Variants in CEP290 observed in about 807,000 individuals in gnomAD.
CEP290 encodes centrosomal protein 290.
A neutral mutation model predicts 344.9 loss-of-function variants in CEP290; 317 were observed. That is an observed-to-expected ratio of 0.92 (90% CI 0.84 to 1.01). The LOEUF (loss-of-function observed/expected upper bound fraction) is 1.01. CEP290 is among the 50% of genes least tolerant of loss of function. CEP290 has a pLI of 0.00. For missense variants in CEP290, 2,754 were observed against 2,761.4 expected (o/e 1.00, Z 0.06); for synonymous variants, 932 against 895.8 (o/e 1.04, Z -0.72).
chr12:88,130,706 A>G, intron 7 of CEP290, 141 bp from the exon 8 acceptor site: 1 of 559,074 alleles, frequency 1.8e-6, no homozygotes, highest in South Asian at 3.5e-5. Flanking sequence ...AAAGAATACT[A>G]ATTATCTACC....
intron 51 of CEP290, 99 bp from the exon 52 acceptor site, chr12:88,053,845 C>G: frequency 1.7e-6 from 1 of 590,592 alleles, no homozygotes; most frequent in Non-Finnish European, 3.0e-6. Flanking sequence ...GTAATCAGAA[C>G]AAGCTAGCCT....
intron 25 of CEP290, among the ~76,000 whole-genome samples, chr12:88,105,216 T>C (rs2038188810): frequency 6.6e-6 from 1 of 152,182 alleles, no homozygotes; most frequent in African/African-American, 2.4e-5. Context: ...TTCAAAAGAC[T>C]AATGAATTTT....
At chr12:88,131,882 G>A (rs145992342) in intron 6 of CEP290, among the ~76,000 whole-genome samples, 8 of 152,148 alleles carry the variant, frequency 5.3e-5, no homozygotes, top group African/African-American at 1.9e-4. Context: ...ACTATTATTT[G>A]CTCTCAGTGA....
rs372592245 is a variant in CEP290, at chr12:88,083,850, A to G, written c.4809T>C (p.Ala1603=). The change falls in exon 36 of 54, where the codon GCT becomes GCC. Residue 1603 remains alanine, a synonymous_variant. Transcript: ENST00000552810. ...DSSLNKFKQT[A]WDLMKQSPTP... is the part of the protein sequence containing the mutation. The stretch of plus-strand genomic sequence containing the variant: ...AACAAAGTTCTTAGAATCTTACCCA[A>G]GCCGTTTGTTTGAATTTATTTAGTG... 3.8e-5 allele frequency: 59 copies of G among 1,560,292 alleles called. No homozygotes were observed. Among genetic ancestry groups the G allele is most frequent in the Non-Finnish European group, 4.8e-5 (55 of 1,145,512 alleles).
In CEP290 at chr12:88,062,737, C is replaced by T; in HGVS notation, c.6312G>A (p.Lys2104=). Residue 2104 remains lysine (K), a synonymous_variant, in exon 46 of 54, where the codon AAG becomes AAA. Coordinates refer to ENST00000552810, the MANE Select transcript of CEP290 (RefSeq NM_025114.4). ...TCCGCTGAACTTCTGCTTTTTCTTTCTTAAGAAATTCACACATTTCCTTCA... is the reference window on the plus strand; with the variant it reads ...TCCGCTGAACTTCTGCTTTTTCTTTTTTAAGAAATTCACACATTTCCTTCA... ...RDLKEMCEFL[K]KEKAEVQRKL... 1 of 1,599,042 alleles carries T rather than the reference C, an allele frequency of 6.3e-7. No homozygotes were observed. The highest frequency in any genetic ancestry group is 8.5e-7 in the Non-Finnish European group (1 of 1,171,830).
At chr12:88,138,785 C>T (rs536100091) in intron 5 of CEP290, among the ~76,000 whole-genome samples, 101 of 152,290 alleles carry the variant, frequency 6.6e-4, no homozygotes, top group African/African-American at 2.3e-3. Context: ...TGTTCTTCAA[C>T]AATACATTCA....
At chr12:88,112,041 C>T (rs374955005) in intron 20 of CEP290, among the ~76,000 whole-genome samples, 183 bp from the exon 21 acceptor site, 1 of 152,018 alleles carries the variant, frequency 6.6e-6, no homozygotes, top group African/African-American at 2.4e-5. Flanking sequence ...ATTTACATTA[C>T]CAAGCATAGT....
At chr12:88,139,770 C>G (rs1176527090) in intron 3 of CEP290, among the ~76,000 whole-genome samples, 1 of 152,194 alleles carries the variant, frequency 6.6e-6, no homozygotes, top group East Asian at 1.9e-4. Flanking sequence ...CTTTGTCACC[C>G]AGGCTGGAGT....
intron 4 of CEP290, 37 bp downstream of exon 4, chr12:88,139,458 A>G: frequency 6.7e-7 from 1 of 1,488,490 alleles, no homozygotes; most frequent in African/African-American, 1.4e-5. Context: ...GGAATTCATT[A>G]TTTAATACCA....
chr12:88,131,544 T>A (rs1414075116), intron 6 of CEP290, among the ~76,000 whole-genome samples: 8 of 152,126 alleles, frequency 5.3e-5, no homozygotes, highest in Non-Finnish European at 1.2e-4. Context: ...ATTTCAGACA[T>A]GAGCCACTGT....
At position 88,093,903 on chromosome 12, in the gene CEP290, A is replaced by AT. The variant is rs62640570; in HGVS notation, c.3175dup (p.Ile1059AsnfsTer11). On this transcript the variant is annotated frameshift_variant, in exon 28 of 54. Coordinates refer to ENST00000552810, the MANE Select transcript of CEP290 (RefSeq NM_025114.4). LOFTEE classifies it high-confidence loss of function. ...TAATTCCTTCATTTCCAGCATAGTTATTTTTTTTGAAATGGAAACAATGTC... is the reference window on the plus strand; with the variant it reads ...TAATTCCTTCATTTCCAGCATAGTTATTTTTTTTTGAAATGGAAACAATGTC... The AT allele has an allele frequency of 7.4e-5, 119 of 1,610,848 alleles. No homozygotes were observed. Among genetic ancestry groups the AT allele is most frequent in the Non-Finnish European group, 9.1e-5 (107 of 1,178,166 alleles).
At chr12:88,140,568 C>T (rs192068783) in intron 3 of CEP290, among the ~76,000 whole-genome samples, 1 of 152,212 alleles carries the variant, frequency 6.6e-6, no homozygotes, top group East Asian at 1.9e-4. Context: ...ACTATCTTAC[C>T]ACTGCATTGC....
chr12:88,052,406 T>C (rs2033628631), intron 52 of CEP290, among the ~76,000 whole-genome samples: 1 of 152,232 alleles, frequency 6.6e-6, no homozygotes. Flanking sequence ...ATGGATGAGA[T>C]AATTTATGAA....
intron 46 of CEP290, among the ~76,000 whole-genome samples, chr12:88,062,066 A>G (rs1384675028): frequency 6.6e-6 from 1 of 152,184 alleles, no homozygotes; most frequent in Non-Finnish European, 1.5e-5. Flanking sequence ...GGTGTGAGCC[A>G]CTGCCCCCGG....
rs374852145 is a variant in CEP290, at chr12:88,059,915, G to A, written c.6628C>T (p.Arg2210Cys). ...AGTCATACTTTTTTAAGTTCTTTACGAAGCCTTTCATTTTCAGCAATAATT... is the reference window on the plus strand; with the variant it reads ...AGTCATACTTTTTTAAGTTCTTTACAAAGCCTTTCATTTTCAGCAATAATT... ...EKIIAENERL[R>C]KELKKETDAA... Residue 2210 changes from arginine (R) to cysteine (C), a missense_variant, in exon 48 of 54, where the codon CGT (arginine) becomes TGT (cysteine). Transcript: ENST00000552810. 2.5e-4 allele frequency: 397 copies of A among 1,591,276 alleles called. No homozygotes were observed. The highest frequency in any genetic ancestry group is 3.2e-4 in the Non-Finnish European group (378 of 1,169,618).
intron 41 of CEP290, among the ~76,000 whole-genome samples, chr12:88,072,330 C>A (rs1661562073): frequency 6.6e-6 from 1 of 151,998 alleles, no homozygotes; most frequent in African/African-American, 2.4e-5. Flanking sequence ...TATGAGGTCA[C>A]ATCAGAATTT....
chr12:88,129,127 T>G, intron 10 of CEP290, 92 bp from the exon 11 acceptor site: 1 of 566,632 alleles, frequency 1.8e-6, no homozygotes, highest in Non-Finnish European at 2.8e-6. Context: ...TATATATAAA[T>G]ATATCTACAT....
chr12:88,067,614 C>CT (rs1448290906), intron 44 of CEP290, among the ~76,000 whole-genome samples: 3 of 152,164 alleles, frequency 2.0e-5, no homozygotes, highest in Non-Finnish European at 4.4e-5. Context: ...CTTTCTCACT[C>CT]TTGCCTATCT....
intron 44 of CEP290, 96 bp downstream of exon 44, chr12:88,068,426 T>C (rs2035103516): frequency 2.6e-6 from 2 of 781,350 alleles, no homozygotes; most frequent in Admixed American, 4.1e-5. Context: ...ATGAGAAAGA[T>C]GTAATGCTTT....
Sources: allele counts gnomAD v4.1 joint callset (sites outside exome capture counted in the v4.1 genomes callset), GRCh38; gene constraint gnomAD v4.1.1; transcripts MANE v1.5; gene names NCBI Gene and HGNC (gene_info 2026-07-23, HGNC 2026-07-21).